The following IRX2 variants were observed in gnomAD, a reference collection of about 807,000 sequenced individuals.
IRX2 encodes the protein iroquois-class homeodomain protein IRX-2.
Under a neutral mutation model 42.9 loss-of-function variants are expected in IRX2, and 26 were observed. The ratio of observed to expected loss-of-function variants is 0.61; its 90% confidence interval spans 0.44 to 0.84. The LOEUF is 0.84. Among genes scored for constraint, IRX2 ranks in the 40% least tolerant of loss-of-function variants. The pLI, the probability that IRX2 is intolerant of heterozygous loss-of-function variation, is 0.00. For missense variants in IRX2, 782 were observed against 713.9 expected, an observed-to-expected ratio of 1.10 and a Z score of -1.09; for synonymous variants, 424 against 353.9, an observed-to-expected ratio of 1.20 and a Z score of -2.22.
chr5:2,744,611 T>C (rs1737617451), downstream of IRX2, among the ~76,000 whole-genome samples: 1 of 152,206 alleles, frequency 6.6e-6, no homozygotes, highest in Non-Finnish European at 1.5e-5. Context: ...CTCAGATGTG[T>C]TTGTTTCCAG....
downstream of IRX2, chr5:2,745,751 G>T (rs1287158230): frequency 6.6e-6 from 1 of 152,014 alleles, no homozygotes; most frequent in African/African-American, 2.4e-5. Context: ...ATTTATTGGT[G>T]GGGGGGTGTG....
At chr5:2,750,090 G>C (rs1213858623) in intron 1 of IRX2, among the ~76,000 whole-genome samples, 1 of 152,028 alleles carries the variant, frequency 6.6e-6, no homozygotes, top group East Asian at 1.9e-4. Context: ...TTGCACGTGC[G>C]CGCACACAGG....
At chr5:2,741,639 T>C (rs1229079493), downstream of IRX2, among the ~76,000 whole-genome samples, 1 of 152,210 alleles carries the variant, frequency 6.6e-6, no homozygotes, top group African/African-American at 2.4e-5. Context: ...TAACGATTAA[T>C]AATTGATCAG....
chr5:2,739,531 G>GA, the IRX2 span, among the ~76,000 whole-genome samples: 44,187 of 151,986 alleles, frequency 0.29, 6,527 homozygotes, highest in South Asian at 0.48. Context: ...CCCGAAACAG[G>GA]AGAGACCGGG....
At position 2,751,672 on chromosome 5, in the gene IRX2, G is replaced by T; in HGVS notation, c.-259C>A. 1 of 151,422 alleles carries T rather than the reference G, an allele frequency of 6.6e-6. No homozygotes were observed. The highest frequency in any genetic ancestry group is 1.9e-4 in the South Asian group (1 of 5,380). 9.4% of individuals were successfully genotyped at this position (151,422 alleles called of 1,614,324 possible). A position where few individuals can be genotyped will look rare whatever the true frequency, so the allele number is the denominator to read the frequency against. The stretch of plus-strand genomic sequence containing the variant: ...TCGGGGTTTGGGGGAGTCTGGAGTC[G>T]GGAGTGAGGAGTTGAGGAAGGAGCG... On this transcript the variant is annotated 5_prime_UTR_variant, in exon 1 of 4. Transcript: ENST00000302057. The surrounding 1 kb of genome is among the most constrained non-coding windows in gnomAD (Gnocchi z 4.0).
At chr5:2,743,454 C>A (rs1737587247), downstream of IRX2, among the ~76,000 whole-genome samples, 1 of 151,980 alleles carries the variant, frequency 6.6e-6, no homozygotes, top group Admixed American at 6.6e-5. Context: ...AGCGCGAATT[C>A]CGATAAATCA....
chr5:2,748,710 G>A lies in IRX2; in HGVS notation c.998C>T (p.Ala333Val). 2 of 1,400,224 alleles carry A rather than the reference G, an allele frequency of 1.4e-6. No homozygotes were observed. Among genetic ancestry groups the A allele is most frequent in the East Asian group, 3.2e-5 (1 of 31,346 alleles). The allele number at this position is 1,400,224 out of a possible 1,614,324, so 86.7% of individuals were successfully genotyped here. The change falls in exon 3 of 4, where the codon GCC (alanine) becomes GTC (valine). Residue 333 changes from alanine (A) to valine (V), a missense_variant. Ala to Val is a moderately conservative substitution (Grantham distance 64). Coordinates refer to ENST00000302057, the MANE Select transcript of IRX2 (RefSeq NM_033267.5). ...PASKPKLWSLAEIATSDLKQP... is the reference protein window; with the variant it reads ...PASKPKLWSLVEIATSDLKQP... ...CTTGAGGTCCGACGTGGCGATCTCGGCCAGCGACCACAGCTTGGGCTTGCT... is the reference window on the plus strand; with the variant it reads ...CTTGAGGTCCGACGTGGCGATCTCGACCAGCGACCACAGCTTGGGCTTGCT...
Position 2,751,104 on chromosome 5 carries a change from G to T in IRX2, c.249+61C>A, listed in dbSNP as rs1737947027. On this transcript the variant is annotated intron_variant, in intron 1 of 3. Transcript: ENST00000302057. The surrounding 1 kb of genome is among the most constrained non-coding windows in gnomAD (Gnocchi z 4.0). ...GCCCGCCGAACCCGAGCCCCGCTCC[G>T]CCTGAGCCCCGTCTGGGTCCCGGCG... The T allele has an allele frequency of 4.2e-6, 5 of 1,200,476 alleles. No individual in the cohort carries two copies. Among genetic ancestry groups the T allele is most frequent in the Non-Finnish European group, 5.2e-6 (5 of 967,520 alleles). 74.4% of individuals were successfully genotyped at this position (1,200,476 alleles called of 1,614,324 possible).
In IRX2 at chr5:2,748,489, G is replaced by C; in HGVS notation, c.1219C>G (p.Leu407Val). ...GCGGCCGCAGAGTTGTACCGCAGGA[G>C]ACCCTGGCCCTGCAGCGCCGCGTTC... ...NLNAALQGQG[L>V]LRYNSAAAAP... The change falls in exon 3 of 4, where the codon CTC (leucine) becomes GTC (valine). Residue 407 changes from leucine to valine, a missense_variant. Leu to Val is a conservative substitution (Grantham distance 32). Coordinates refer to ENST00000302057, the MANE Select transcript of IRX2 (RefSeq NM_033267.5). 6.3e-7 allele frequency: 1 copy of C among 1,579,980 alleles called. No individual in the cohort carries two copies. Among genetic ancestry groups the C allele is most frequent in the Non-Finnish European group, 8.6e-7 (1 of 1,164,936 alleles).
Position 2,746,806 on chromosome 5 carries a change from C to A in IRX2, c.*758G>T, listed in dbSNP as rs1236118404. ...ACCTACCTGTGGACCAAGGAAAAAA[C>A]CAAATCATCCCCAATCTTTCAGTTC... On this transcript the variant is annotated 3_prime_UTR_variant, in exon 4 of 4. Coordinates refer to ENST00000302057, the MANE Select transcript of IRX2 (RefSeq NM_033267.5). 7.7e-6 allele frequency: 1 copy of A among 130,254 alleles called. No homozygotes were observed. Among genetic ancestry groups the A allele is most frequent in the African/African-American group, 2.9e-5 (1 of 35,086 alleles). The allele number at this position is 130,254 out of a possible 1,614,324, so 8.1% of individuals were successfully genotyped here.
Position 2,748,409 on chromosome 5 carries a change from C to A in IRX2, c.1299G>T (p.Lys433Asn). The change falls in exon 3 of 4, where the codon AAG becomes AAT. Residue 433 changes from lysine to asparagine, a missense_variant. Coordinates refer to ENST00000302057, the MANE Select transcript of IRX2 (RefSeq NM_033267.5). ...GGGACTCGAGCGGGTGCGCGCCCGC[C>A]TTGCCCGCGTCGCTGGCCGCCTTTG... ...TAPKAASDAGKAGAHPLESHY... is the reference protein window; with the variant it reads ...TAPKAASDAGNAGAHPLESHY... The A allele has an allele frequency of 6.7e-7, 1 of 1,496,724 alleles. No individual in the cohort carries two copies. Among genetic ancestry groups the A allele is most frequent in the African/African-American group, 1.4e-5 (1 of 69,208 alleles). 92.7% of individuals were successfully genotyped at this position (1,496,724 alleles called of 1,614,324 possible).
chr5:2,747,307 A>G lies in IRX2; in HGVS notation c.*257T>C, dbSNP rs559672495. The stretch of plus-strand genomic sequence containing the variant: ...ATATATTACACACACACACACACAC[A>G]TATATATATATATTTTTTTTTTCCT... On this transcript the variant is annotated 3_prime_UTR_variant, in exon 4 of 4. Coordinates refer to ENST00000302057, the MANE Select transcript of IRX2 (RefSeq NM_033267.5). 2.7e-3 allele frequency: 656 copies of G among 245,640 alleles called. 6 individuals carry two copies. The highest frequency in any genetic ancestry group is 0.019 in the African/African-American group (609 of 32,840). 15.2% of individuals were successfully genotyped at this position (245,640 alleles called of 1,614,324 possible).
chr5:2,742,861 T>A (rs1414218812), downstream of IRX2, among the ~76,000 whole-genome samples: 1 of 152,216 alleles, frequency 6.6e-6, no homozygotes, highest in Admixed American at 6.5e-5. Context: ...TAGTTTAGTA[T>A]GTACATTCAC....
In IRX2 at chr5:2,747,597, G is replaced by A. The variant is rs746042099; in HGVS notation, c.1383C>T (p.Thr461=). 10 of 1,613,870 alleles carry A rather than the reference G, an allele frequency of 6.2e-6. No homozygotes were observed. Among genetic ancestry groups the A allele is most frequent in the South Asian group, 5.5e-5 (5 of 91,084 alleles). The change falls in exon 4 of 4, where the codon ACC becomes ACT. Residue 461 remains threonine (T), a synonymous_variant. Transcript: ENST00000302057. ...EPKKDASEGC[T]VVGGGVQPYL ...AGGGCTGGACGCCCCCGCCAACCAC[G>A]GTGCAGCCCTCGCTGGCATCTGTCA...
rs779466368 is a variant in IRX2 at position 2,748,426 on chromosome 5, C to A, written c.1282G>T (p.Ala428Ser). ...GEALHTAPKA[A>S]SDAGKAGAHP... ...GCGCCCGCCTTGCCCGCGTCGCTGG[C>A]CGCCTTTGGCGCGGTGTGCAGGGCC... Residue 428 changes from alanine to serine, a missense_variant, in exon 3 of 4, where the codon GCC (alanine) becomes TCC (serine). Ala to Ser is a moderately conservative substitution (Grantham distance 99). This residue lies in a region of IRX2 where 520 missense variants were observed against 437.8 expected (regional missense o/e 1.19). Coordinates refer to ENST00000302057, the MANE Select transcript of IRX2 (RefSeq NM_033267.5). 1 of 1,533,032 alleles carries A rather than the reference C, an allele frequency of 6.5e-7. No homozygotes were observed. The highest frequency in any genetic ancestry group is 8.7e-7 in the Non-Finnish European group (1 of 1,145,582). The allele number at this position is 1,533,032 out of a possible 1,614,324, so 95.0% of individuals were successfully genotyped here.
chr5:2,738,258 C>G, the IRX2 span, among the ~76,000 whole-genome samples: 47 of 152,328 alleles, frequency 3.1e-4, no homozygotes, highest in African/African-American at 8.9e-4. Context: ...AGCCCCCTCC[C>G]GGTCACAGGC....
intron 3 of IRX2, among the ~76,000 whole-genome samples, chr5:2,748,025 C>T (rs895629370): frequency 6.6e-6 from 1 of 152,178 alleles, no homozygotes; most frequent in African/African-American, 2.4e-5. Context: ...CCGAAACACA[C>T]CCAGGCTCAT....
chr5:2,748,548 G>C lies in IRX2; in HGVS notation c.1160C>G (p.Pro387Arg), dbSNP rs773587406. ...LLGRPLYYTS[P>R]FYGNYTNYGN... ...GTAGTTTGTGTAGTTGCCGTAGAAG[G>C]GCGACGTGTAGTAGAGGGGGCGGCC... The change falls in exon 3 of 4, where the codon CCC (proline) becomes CGC (arginine). Residue 387 changes from proline to arginine, a missense_variant. This residue lies in a region of IRX2 where 520 missense variants were observed against 437.8 expected (regional missense o/e 1.19). Coordinates refer to ENST00000302057, the MANE Select transcript of IRX2 (RefSeq NM_033267.5). The C allele has an allele frequency of 5.1e-6, 8 of 1,576,738 alleles. 1 individual carries two copies. The South Asian group carries it at 9.1e-5, about 18-fold the overall frequency.
At chr5:2,743,248 C>T (rs1227803542), downstream of IRX2, among the ~76,000 whole-genome samples, 1 of 152,200 alleles carries the variant, frequency 6.6e-6, no homozygotes, top group African/African-American at 2.4e-5. Context: ...TCCTTCCTCG[C>T]ATCAGACAAA....
Sources: allele counts gnomAD v4.1 joint callset (sites outside exome capture counted in the v4.1 genomes callset), GRCh38; gene constraint gnomAD v4.1.1; regional missense constraint gnomAD v4.1.1; non-coding constraint Gnocchi (gnomAD v3.1); transcripts MANE v1.5; gene names NCBI Gene and HGNC (gene_info 2026-07-23, HGNC 2026-07-21).